The following NKAIN2 variants were observed in gnomAD, a reference collection of about 807,000 sequenced individuals.
The protein encoded by NKAIN2 is sodium/potassium-transporting ATPase subunit beta-1-interacting protein 2.
In NKAIN2, 14 loss-of-function variants were observed where a neutral mutation model predicts 32.6. That is an observed-to-expected ratio of 0.43 (90% CI 0.28 to 0.67). The LOEUF is 0.67. Among genes scored for constraint, NKAIN2 ranks in the 30% least tolerant of loss-of-function variants. NKAIN2 has a pLI of 0.17. For missense variants in NKAIN2, 198 were observed against 258.3 expected, an observed-to-expected ratio of 0.77 and a Z score of 1.60; for synonymous variants, 80 against 87.2, an observed-to-expected ratio of 0.92 and a Z score of 0.46.
chr6:124,276,826 G>C (rs1171468802), intron 1 of NKAIN2, among the ~76,000 whole-genome samples: 4 of 152,206 alleles, frequency 2.6e-5, no homozygotes, highest in Non-Finnish European at 4.4e-5. Context: ...CTCTGGAGCA[G>C]ACAGGCCCAG....
chr6:124,678,486 G>T (rs185561957), intron 4 of NKAIN2, among the ~76,000 whole-genome samples: 1 of 151,752 alleles, frequency 6.6e-6, no homozygotes, highest in Admixed American at 6.6e-5. Flanking sequence ...TCTCATACCT[G>T]ATCAAGTCTG....
At position 124,133,713 on chromosome 6, in the gene NKAIN2, C is replaced by T. The variant is rs1426912095; in HGVS notation, c.55-149292C>T. Among the ~76,000 whole-genome samples, 3 of 152,294 alleles carry T rather than the reference C, an allele frequency of 2.0e-5. No homozygotes were observed. In the East Asian group the frequency reaches 5.8e-4, roughly 29 times the overall value. ...ACTTACCCACACTTCAAGAATATAA[C>T]TGCTACAAGTAGCATCAGGCAAAAT... On this transcript the variant is annotated intron_variant, in intron 1 of 6. Transcript: ENST00000368417.
At chr6:123,929,936 A>T (rs1036706578) in intron 1 of NKAIN2, among the ~76,000 whole-genome samples, 9 of 152,100 alleles carry the variant, frequency 5.9e-5, no homozygotes, top group Non-Finnish European at 1.3e-4. Context: ...TGGATTTCAA[A>T]TTTTCAGAGA....
intron 4 of NKAIN2, among the ~76,000 whole-genome samples, chr6:124,659,177 C>A (rs1265064065): frequency 1.3e-5 from 2 of 152,084 alleles, no homozygotes; most frequent in Non-Finnish European, 2.9e-5. Context: ...TCCATTTATT[C>A]ATTACAGATC....
chr6:123,981,696 A>G (rs772506274), intron 1 of NKAIN2, among the ~76,000 whole-genome samples: 1 of 152,180 alleles, frequency 6.6e-6, no homozygotes, highest in African/African-American at 2.4e-5. Flanking sequence ...ACAGGAGGGT[A>G]AAATATTTTC....
chr6:124,771,808 T>C (rs1778772296), intron 4 of NKAIN2, among the ~76,000 whole-genome samples: 1 of 152,050 alleles, frequency 6.6e-6, no homozygotes, highest in Non-Finnish European at 1.5e-5. Flanking sequence ...ACTGAGGAGG[T>C]GACACTTAAG....
At chr6:124,345,109 G>C (rs1397680469) in intron 2 of NKAIN2, among the ~76,000 whole-genome samples, 4 of 152,010 alleles carry the variant, frequency 2.6e-5, no homozygotes, top group African/African-American at 9.7e-5. Flanking sequence ...TTTTGTCTTT[G>C]GTTCTGTTTA....
In NKAIN2 at chr6:124,493,717, CAAAAAAAAAAAAAA is replaced by C. The variant is rs71021496; in HGVS notation, c.273+138380_273+138393del. Among the ~76,000 whole-genome samples, 224 of 85,852 alleles carry C rather than the reference CAAAAAAAAAAAAAA, an allele frequency of 2.6e-3. 3 individuals are homozygous for C. The highest frequency in any genetic ancestry group is 0.011 in the African/African-American group (218 of 19,148). The allele number at this position is 85,852 out of a possible 152,430, so 56.3% of individuals were successfully genotyped here. A position where few individuals can be genotyped will look rare whatever the true frequency, so the allele number is the denominator to read the frequency against. Reference sequence around the variant, plus strand: ...CTTTCTGCACACCAACCCCCCCCTCCAAAAAAAAAAAAAAAAAAAAAAACAGTCAACATCACCAA... The same window carrying C: ...CTTTCTGCACACCAACCCCCCCCTCCAAAAAAAAACAGTCAACATCACCAA... On this transcript the variant is annotated intron_variant, in intron 3 of 6. Transcript: ENST00000368417.
intron 4 of NKAIN2, among the ~76,000 whole-genome samples, chr6:124,733,813 G>A (rs1776804322): frequency 6.6e-6 from 1 of 151,538 alleles, no homozygotes; most frequent in African/African-American, 2.4e-5. Context: ...GTATATATGT[G>A]TATATACATG....
chr6:124,725,693 A>C (rs1583730357), intron 4 of NKAIN2, among the ~76,000 whole-genome samples: 1 of 152,240 alleles, frequency 6.6e-6, no homozygotes, highest in Non-Finnish European at 1.5e-5. Flanking sequence ...TGAATGTGGA[A>C]GCAGAGAGGA....
At chr6:124,805,213 C>A (rs1054966367) in intron 5 of NKAIN2, among the ~76,000 whole-genome samples, 3 of 152,208 alleles carry the variant, frequency 2.0e-5, no homozygotes, top group African/African-American at 7.2e-5. Context: ...ACCCCTGACC[C>A]CTGAGCAGCC....
intron 1 of NKAIN2, among the ~76,000 whole-genome samples, chr6:123,901,008 A>C (rs1008742): frequency 0.32 from 48,647 of 152,004 alleles, 10,484 homozygotes; most frequent in African/African-American, 0.62. Context: ...CTTTTGATTT[A>C]CCCTGCGTAT....
At chr6:124,384,946 C>T (rs777609266) in intron 3 of NKAIN2, among the ~76,000 whole-genome samples, 16 of 152,228 alleles carry the variant, frequency 1.1e-4, no homozygotes, top group Non-Finnish European at 2.9e-5. Flanking sequence ...TTTAAATTAA[C>T]GCAGTCAATT....
In NKAIN2 at chr6:124,186,516, G is replaced by A. The variant is rs969648718; in HGVS notation, c.55-96489G>A. Among the ~76,000 whole-genome samples, 44 of 152,222 alleles carry A rather than the reference G, an allele frequency of 2.9e-4. No homozygotes were observed. In the Middle Eastern group the frequency reaches 0.01, roughly 35 times the overall value. ...AGGAGACACAATGAAGGAGGTCAAG[G>A]GAAATGTGAGGGAGCTTATGACCCT... On this transcript the variant is annotated intron_variant, in intron 1 of 6. Coordinates refer to ENST00000368417, the MANE Select transcript of NKAIN2 (RefSeq NM_001040214.3).
chr6:124,622,530 G>A (rs1783145445), intron 3 of NKAIN2, among the ~76,000 whole-genome samples: 1 of 152,204 alleles, frequency 6.6e-6, no homozygotes, highest in Non-Finnish European at 1.5e-5. Context: ...AGCTCAGTGG[G>A]CACTCTGCCT....
At chr6:124,043,911 C>T (rs535963605) in intron 1 of NKAIN2, among the ~76,000 whole-genome samples, 25 of 152,084 alleles carry the variant, frequency 1.6e-4, no homozygotes, top group South Asian at 6.2e-4. Context: ...CCCTGGTGAA[C>T]GGAAAGTAAG....
intron 3 of NKAIN2, among the ~76,000 whole-genome samples, chr6:124,515,637 C>A (rs915114063): frequency 6.6e-6 from 1 of 152,062 alleles, no homozygotes; most frequent in African/African-American, 2.4e-5. Context: ...CATTAGGGAT[C>A]AGATTTCAAC....
At chr6:124,117,805 T>G (rs1785687091) in intron 1 of NKAIN2, among the ~76,000 whole-genome samples, 2 of 151,640 alleles carry the variant, frequency 1.3e-5, no homozygotes, top group African/African-American at 4.8e-5. Context: ...ATATTATTTT[T>G]TATAATCATA....
chr6:124,337,009 T>C (rs1273923962), intron 2 of NKAIN2, among the ~76,000 whole-genome samples: 3 of 152,128 alleles, frequency 2.0e-5, no homozygotes, highest in South Asian at 2.1e-4. Flanking sequence ...AAAGTAATTA[T>C]GATACTAATA....
Sources: allele counts gnomAD v4.1 joint callset (sites outside exome capture counted in the v4.1 genomes callset), GRCh38; gene constraint gnomAD v4.1.1; transcripts MANE v1.5; gene names NCBI Gene and HGNC (gene_info 2026-07-23, HGNC 2026-07-21).